Variants in SPATS2 observed in about 807,000 individuals in gnomAD.
The protein encoded by SPATS2 is spermatogenesis associated serine rich 2.
SPATS2 carries 38 observed loss-of-function variants against 63.7 expected under a neutral mutation model. That is an observed-to-expected ratio of 0.60 (90% confidence interval 0.46 to 0.78). The LOEUF (loss-of-function observed/expected upper bound fraction) is 0.78, where lower values mean the gene tolerates loss of function less well. SPATS2 is among the 30% of genes least tolerant of loss of function. SPATS2 has a pLI of 0.00. For missense variants in SPATS2, 588 were observed against 666.2 expected (o/e 0.88, Z 1.29); for synonymous variants, 207 against 232.9 (o/e 0.89, Z 1.01).
intron 2 of SPATS2, among the ~76,000 whole-genome samples, chr12:49,393,089 A>T (rs1944447566): frequency 6.6e-6 from 1 of 152,184 alleles, no homozygotes; most frequent in African/African-American, 2.4e-5. Context: ...TGTACTCACC[A>T]GTGCTTTGTC....
At chr12:49,492,096 C>T (rs1328955429) in intron 6 of SPATS2, among the ~76,000 whole-genome samples, 1 of 152,184 alleles carries the variant, frequency 6.6e-6, no homozygotes, top group Admixed American at 6.5e-5. Context: ...TACACAGATT[C>T]TTCTGAAGCT....
At chr12:49,411,882 T>C (rs1460964744) in intron 2 of SPATS2, among the ~76,000 whole-genome samples, 2 of 152,192 alleles carry the variant, frequency 1.3e-5, no homozygotes, top group Non-Finnish European at 2.9e-5. Flanking sequence ...TTAGTTTCTC[T>C]ACAGAAGTTG....
At chr12:49,449,452 G>A (rs1199976684) in intron 2 of SPATS2, among the ~76,000 whole-genome samples, 1 of 152,188 alleles carries the variant, frequency 6.6e-6, no homozygotes, top group Non-Finnish European at 1.5e-5. Flanking sequence ...CTGACCTGAT[G>A]ATCCGCCTGC....
intron 2 of SPATS2, among the ~76,000 whole-genome samples, chr12:49,410,114 C>T (rs982580056): frequency 2.0e-5 from 3 of 151,888 alleles, no homozygotes; most frequent in South Asian, 2.1e-4. Flanking sequence ...CTCGCTCTGT[C>T]GCCCAGGCTG....
chr12:49,398,432 AT>A (rs1252397651), intron 2 of SPATS2, among the ~76,000 whole-genome samples: 1 of 152,160 alleles, frequency 6.6e-6, no homozygotes, highest in Admixed American at 6.6e-5. Flanking sequence ...TGAAGTCCTA[AT>A]AGAAGGAAGG....
chr12:49,380,375 C>T (rs1944194117), intron 2 of SPATS2, among the ~76,000 whole-genome samples: 1 of 152,042 alleles, frequency 6.6e-6, no homozygotes, highest in Non-Finnish European at 1.5e-5. Flanking sequence ...TTCAGATATA[C>T]AACTCTGCCT....
At chr12:49,410,952 T>C (rs1433826183) in intron 2 of SPATS2, among the ~76,000 whole-genome samples, 2 of 152,056 alleles carry the variant, frequency 1.3e-5, no homozygotes, top group Admixed American at 6.6e-5. Flanking sequence ...AGAAGAAGTT[T>C]TGAATGAGGA....
At chr12:49,487,590 TC>T (rs1946316377) in intron 4 of SPATS2, among the ~76,000 whole-genome samples, 1 of 152,152 alleles carries the variant, frequency 6.6e-6, no homozygotes, top group African/African-American at 2.4e-5. Flanking sequence ...TCAGTTCCAA[TC>T]TTTTTGTTTG....
chr12:49,477,228 G>A (rs111256003), intron 3 of SPATS2, among the ~76,000 whole-genome samples: 8,346 of 152,142 alleles, frequency 0.055, 326 homozygotes, highest in Non-Finnish European at 0.077. Flanking sequence ...CCTCCTTCCC[G>A]TAAAAACCCT....
intron 12 of SPATS2, among the ~76,000 whole-genome samples, chr12:49,524,429 G>A (rs1946997098): frequency 6.6e-6 from 1 of 152,134 alleles, no homozygotes; most frequent in Non-Finnish European, 1.5e-5. Context: ...TTAGTTGGTG[G>A]GGAATGGGTA....
chr12:49,522,800 G>T lies in SPATS2; in HGVS notation c.1058G>T (p.Arg353Leu). The T allele has an allele frequency of 6.2e-7, 1 of 1,613,758 alleles. No individual in the cohort carries two copies. Among genetic ancestry groups the T allele is most frequent in the South Asian group, 1.1e-5 (1 of 91,054 alleles). Reference protein sequence around the residue: ...KYDEDLGRVARFTCDVETLKK... With the variant: ...KYDEDLGRVALFTCDVETLKK... ...GATGAGGATCTGGGACGAGTAGCCC[G>T]GTTCACCTGTGATGTAGAGACCCTA... The change falls in exon 12 of 14, where the codon CGG (arginine) becomes CTG (leucine). Residue 353 changes from arginine (R) to leucine (L), a missense_variant. Coordinates refer to ENST00000552918, the MANE Select transcript of SPATS2 (RefSeq NM_023071.4).
intron 2 of SPATS2, among the ~76,000 whole-genome samples, chr12:49,380,614 G>A (rs1944199652): frequency 6.6e-6 from 1 of 152,042 alleles, no homozygotes; most frequent in Non-Finnish European, 1.5e-5. Flanking sequence ...GCTGAGACAG[G>A]AGAATCACTT....
intron 6 of SPATS2, among the ~76,000 whole-genome samples, chr12:49,491,945 TTTA>T (rs1946389876): frequency 6.6e-6 from 1 of 152,180 alleles, no homozygotes; most frequent in South Asian, 2.1e-4. Flanking sequence ...TGTTCTTTTC[TTTA>T]TTAAGTCAGT....
chr12:49,504,078 C>T (rs1946615169), intron 9 of SPATS2, among the ~76,000 whole-genome samples: 1 of 152,170 alleles, frequency 6.6e-6, no homozygotes, highest in Admixed American at 6.5e-5. Flanking sequence ...GGCAAGTGAG[C>T]TAACTCCATT....
chr12:49,524,588 C>T lies in SPATS2; in HGVS notation c.1112-94C>T, dbSNP rs928789571. 2.3e-6 allele frequency: 3 copies of T among 1,326,026 alleles called. No individual in the cohort carries two copies. The African/African-American group carries it at 4.4e-5, about 19-fold the overall frequency. 82.1% of individuals were successfully genotyped at this position (1,326,026 alleles called of 1,614,324 possible). On this transcript the variant is annotated intron_variant, in intron 12 of 13. Transcript: ENST00000552918. ...TTTATTCGAATAGACAGTTCTTTAT[C>T]TTAAATTGCTCATTGTGAAATTGAG...
chr12:49,498,139 A>T (rs918932219), intron 8 of SPATS2, among the ~76,000 whole-genome samples: 136 of 84,236 alleles, frequency 1.6e-3, no homozygotes, highest in Admixed American at 3.9e-3. Flanking sequence ...AGCCAAAAAA[A>T]AAAAAAATAT....
At chr12:49,402,676 C>A (rs1944627019) in intron 2 of SPATS2, among the ~76,000 whole-genome samples, 1 of 152,022 alleles carries the variant, frequency 6.6e-6, no homozygotes. Flanking sequence ...CTAAAGTCTT[C>A]AAGGCTTAAG....
At chr12:49,501,237 T>G (rs1946562832) in intron 9 of SPATS2, among the ~76,000 whole-genome samples, 1 of 152,140 alleles carries the variant, frequency 6.6e-6, no homozygotes, top group South Asian at 2.1e-4. Context: ...GAATAGAGAT[T>G]TATTTTTTAC....
intron 2 of SPATS2, among the ~76,000 whole-genome samples, chr12:49,445,760 A>T (rs1296063458): frequency 6.6e-6 from 1 of 152,122 alleles, no homozygotes. Flanking sequence ...AGCTCAAGTG[A>T]TCTGCCTGCC....
Sources: allele counts gnomAD v4.1 joint callset (sites outside exome capture counted in the v4.1 genomes callset), GRCh38; gene constraint gnomAD v4.1.1; transcripts MANE v1.5; gene names NCBI Gene and HGNC (gene_info 2026-07-23, HGNC 2026-07-21).